Variants in NAALADL2 observed in about 807,000 individuals in gnomAD.
NAALADL2 encodes N-acetylated alpha-linked acidic dipeptidase like 2.
In NAALADL2, 76 loss-of-function variants were observed where a neutral mutation model predicts 87.2. The ratio of observed to expected loss-of-function variants is 0.87; its 90% CI spans 0.72 to 1.05. The LOEUF (loss-of-function observed/expected upper bound fraction) is 1.05. Among genes scored for constraint, NAALADL2 ranks in the 50% least tolerant of loss-of-function variants. NAALADL2 has a pLI of 0.00. For missense variants in NAALADL2, 1,089 were observed against 945.8 expected, an observed-to-expected ratio of 1.15 and a Z score of -1.99; for synonymous variants, 354 against 331.0, an observed-to-expected ratio of 1.07 and a Z score of -0.75.
chr3:175,399,092 A>G (rs1452692975), intron 5 of NAALADL2, among the ~76,000 whole-genome samples: 7 of 152,082 alleles, frequency 4.6e-5, no homozygotes, highest in Non-Finnish European at 8.8e-5. Flanking sequence ...TAACCTAGGT[A>G]CTTTCTTTTA....
intron 13 of NAALADL2, among the ~76,000 whole-genome samples, chr3:175,794,672 C>A (rs556224527): frequency 6.6e-6 from 1 of 152,138 alleles, no homozygotes; most frequent in East Asian, 1.9e-4. Context: ...TGCAAAAGAA[C>A]ACAGTTGTTT....
At chr3:174,835,078 A>G (rs1027766190) in intron 3 of NAALADL2, among the ~76,000 whole-genome samples, 6 of 152,048 alleles carry the variant, frequency 3.9e-5, no homozygotes, top group South Asian at 4.1e-4. Flanking sequence ...TCAAAATAAC[A>G]TGGTATTTGT....
chr3:175,667,239 G>GAAAGAA (rs1553945363), intron 11 of NAALADL2, among the ~76,000 whole-genome samples: 4 of 82,014 alleles, frequency 4.9e-5, no homozygotes, highest in Admixed American at 3.2e-4. Context: ...AAGAAAGAAA[G>GAAAGAA]AAAAAGAAAG....
chr3:175,503,243 T>C (rs1428615923), intron 9 of NAALADL2, among the ~76,000 whole-genome samples: 3 of 152,176 alleles, frequency 2.0e-5, no homozygotes, highest in Non-Finnish European at 4.4e-5. Context: ...TCCATGTTGC[T>C]GCAAAGGACA....
chr3:175,383,131 G>C (rs1267752718), intron 5 of NAALADL2, among the ~76,000 whole-genome samples: 4 of 151,926 alleles, frequency 2.6e-5, no homozygotes, highest in African/African-American at 4.8e-5. Flanking sequence ...GATCACATAA[G>C]AGTAATTGGG....
intron 5 of NAALADL2, among the ~76,000 whole-genome samples, chr3:175,325,108 C>CA (rs1760532870): frequency 6.6e-6 from 1 of 152,030 alleles, no homozygotes; most frequent in South Asian, 2.1e-4. Context: ...TAAACTAACC[C>CA]AAAAAATTAT....
At chr3:175,726,069 A>G (rs1366367663) in intron 11 of NAALADL2, among the ~76,000 whole-genome samples, 1 of 152,126 alleles carries the variant, frequency 6.6e-6, no homozygotes, top group Non-Finnish European at 1.5e-5. Context: ...TCTAGAAACA[A>G]TATGACTAGC....
At chr3:174,995,041 T>C (rs1451180209) in intron 1 of NAALADL2, among the ~76,000 whole-genome samples, 1 of 152,024 alleles carries the variant, frequency 6.6e-6, no homozygotes, top group African/African-American at 2.4e-5. Flanking sequence ...GAAGGCCATG[T>C]TTACCCTATG....
chr3:174,834,621 A>G (rs1723121568), intron 3 of NAALADL2, among the ~76,000 whole-genome samples: 1 of 151,984 alleles, frequency 6.6e-6, no homozygotes, highest in Non-Finnish European at 1.5e-5. Context: ...CAAGTTTAAT[A>G]TATAAAAAGT....
intron 11 of NAALADL2, among the ~76,000 whole-genome samples, chr3:175,630,121 G>A (rs1727554836): frequency 6.6e-6 from 1 of 151,630 alleles, no homozygotes; most frequent in Admixed American, 6.6e-5. Flanking sequence ...CATTGATCAA[G>A]GAATGAAATT....
At chr3:175,410,759 G>C (rs1364471655) in intron 5 of NAALADL2, among the ~76,000 whole-genome samples, 1 of 152,162 alleles carries the variant, frequency 6.6e-6, no homozygotes, top group East Asian at 1.9e-4. Context: ...AATTATCTGA[G>C]GCATAAGTAT....
chr3:174,442,954 A>G (rs1377604810), intron 1 of NAALADL2, among the ~76,000 whole-genome samples: 2 of 152,192 alleles, frequency 1.3e-5, no homozygotes, highest in Non-Finnish European at 2.9e-5. Context: ...GGCCGGGCAC[A>G]TTGCTGTGTT....
rs10645974 is a variant in NAALADL2, at chr3:175,276,297, A to ATTT, written c.939+19786_939+19788dup. 3.7e-3 allele frequency among the ~76,000 whole-genome samples: 497 copies of ATTT among 133,530 alleles called. 3 individuals are homozygous for ATTT. Among genetic ancestry groups the ATTT allele is most frequent in the Non-Finnish European group, 5.9e-3 (372 of 62,890 alleles). 87.6% of individuals were successfully genotyped at this position (133,530 alleles called of 152,430 possible). A position where few individuals can be genotyped will look rare whatever the true frequency, so the allele number is the denominator to read the frequency against. ...TAAAAAGGTTTTTGTCGCTTTGCAA[A>ATTT]TTTTTTTTTTTTTTTTTTTTTGAGA... On this transcript the variant is annotated intron_variant, in intron 4 of 13. Coordinates refer to ENST00000454872, the MANE Select transcript of NAALADL2 (RefSeq NM_207015.3).
chr3:175,451,446 TC>T (rs1199139711), intron 6 of NAALADL2, among the ~76,000 whole-genome samples: 1 of 152,180 alleles, frequency 6.6e-6, no homozygotes, highest in Admixed American at 6.5e-5. Flanking sequence ...ATGGTCTTTT[TC>T]TTTGTAGACC....
intron 5 of NAALADL2, among the ~76,000 whole-genome samples, chr3:175,444,741 T>A (rs886776409): frequency 6.6e-6 from 1 of 152,192 alleles, no homozygotes; most frequent in Admixed American, 6.5e-5. Context: ...AATAATGACC[T>A]ACGCTGTGGT....
At chr3:174,529,625 G>A (rs984960767) in intron 1 of NAALADL2, among the ~76,000 whole-genome samples, 2 of 152,110 alleles carry the variant, frequency 1.3e-5, no homozygotes, top group East Asian at 3.9e-4. Context: ...AGGCATTTTC[G>A]AACATCCAGG....
At chr3:174,726,566 G>A (rs771282502) in intron 2 of NAALADL2, among the ~76,000 whole-genome samples, 9 of 151,656 alleles carry the variant, frequency 5.9e-5, no homozygotes, top group Admixed American at 2.0e-4. Context: ...AGCCCATTCC[G>A]AATCCCAGCC....
At chr3:174,494,591 T>A (rs764872039) in intron 1 of NAALADL2, among the ~76,000 whole-genome samples, 3 of 150,496 alleles carry the variant, frequency 2.0e-5, no homozygotes, top group Non-Finnish European at 4.4e-5. Flanking sequence ...ACCTGCACGT[T>A]GTGCACATGT....
At chr3:175,459,155 C>T (rs1185228537) in intron 6 of NAALADL2, among the ~76,000 whole-genome samples, 1 of 151,730 alleles carries the variant, frequency 6.6e-6, no homozygotes, top group East Asian at 1.9e-4. Context: ...CCCGAAGTTA[C>T]CATATTGGAA....
Sources: allele counts gnomAD v4.1 joint callset (sites outside exome capture counted in the v4.1 genomes callset), GRCh38; gene constraint gnomAD v4.1.1; transcripts MANE v1.5; gene names NCBI Gene and HGNC (gene_info 2026-07-23, HGNC 2026-07-21).